Variants in PCDHGB1 observed in about 807,000 individuals in gnomAD.
PCDHGB1 encodes protocadherin gamma-B1.
A neutral mutation model predicts 56.6 loss-of-function variants in PCDHGB1; 34 were observed. That is an observed-to-expected ratio of 0.60 (90% CI 0.46 to 0.80). The LOEUF (loss-of-function observed/expected upper bound fraction) is 0.80. PCDHGB1 is among the 30% of genes least tolerant of loss of function. PCDHGB1 has a pLI of 0.00. For missense variants in PCDHGB1, 1,278 were observed against 1,204.6 expected (o/e 1.06, Z -0.90); for synonymous variants, 561 against 505.9 (o/e 1.11, Z -1.46).
intron 1 of PCDHGB1, among the ~76,000 whole-genome samples, chr5:141,386,366 C>A (rs2090545743): frequency 6.6e-6 from 1 of 151,962 alleles, no homozygotes; most frequent in Non-Finnish European, 1.5e-5. Context: ...ATTCCAGAGA[C>A]CTTTGAGTAT....
chr5:141,351,367 C>T lies in PCDHGB1; in HGVS notation c.1107C>T (p.Asp369=), dbSNP rs1253333383. Residue 369 remains aspartate (D), a synonymous_variant, in exon 1 of 4, where the codon GAC becomes GAT. Coordinates refer to ENST00000523390, the MANE Select transcript of PCDHGB1 (RefSeq NM_018922.3). ...GTVIALIKVR[D]KDSGQNGMVT... is the part of the protein sequence containing the mutation. ...TAATAGCCCTCATAAAAGTGCGAGACAAGGATTCTGGGCAAAATGGCATGG... is the reference window on the plus strand; with the variant it reads ...TAATAGCCCTCATAAAAGTGCGAGATAAGGATTCTGGGCAAAATGGCATGG... 6.2e-7 allele frequency: 1 copy of T among 1,612,826 alleles called. No homozygotes were observed. Among genetic ancestry groups the T allele is most frequent in the Non-Finnish European group, 8.5e-7 (1 of 1,179,314 alleles).
intron 1 of PCDHGB1, chr5:141,413,132 A>C (rs1313665743): frequency 1.3e-6 from 2 of 1,542,144 alleles, no homozygotes; most frequent in Admixed American, 4.0e-5. Context: ...GAAACACACA[A>C]CGTGTCCAGT....
intron 1 of PCDHGB1, among the ~76,000 whole-genome samples, chr5:141,439,279 CT>C (rs2098102664): frequency 6.6e-6 from 1 of 151,930 alleles, no homozygotes; most frequent in African/African-American, 2.4e-5. Flanking sequence ...CATTCTGAGA[CT>C]GTGTTCCATG....
At chr5:141,437,589 T>C (rs929281293) in intron 1 of PCDHGB1, among the ~76,000 whole-genome samples, 10 of 152,306 alleles carry the variant, frequency 6.6e-5, no homozygotes, top group African/African-American at 2.2e-4. Flanking sequence ...ATGAATTGGA[T>C]AGTTCTGGTG....
In PCDHGB1 at chr5:141,421,238, G is replaced by C. The variant is rs920128735; in HGVS notation, c.2409+68569G>C. 3.1e-6 allele frequency: 5 copies of C among 1,597,422 alleles called. No individual in the cohort carries two copies. Among genetic ancestry groups the C allele is most frequent in the African/African-American group, 2.7e-5 (2 of 74,378 alleles). ...GGCTTAGAGCCTGCCATGGCGAATC[G>C]GCTACAGCGCGGGGACCGCAGTCGG... On this transcript the variant is annotated intron_variant, in intron 1 of 3. Transcript: ENST00000523390.
chr5:141,365,580 A>G, intron 1 of PCDHGB1: 1 of 1,613,742 alleles, frequency 6.2e-7, no homozygotes, highest in South Asian at 1.1e-5. Flanking sequence ...GAGACTTCAG[A>G]TTATAATATC....
At chr5:141,368,825 CTT>C (rs999838491) in intron 1 of PCDHGB1, among the ~76,000 whole-genome samples, 2 of 152,086 alleles carry the variant, frequency 1.3e-5, no homozygotes, top group African/African-American at 4.8e-5. Context: ...ACAATGAACA[CTT>C]GGCATTGTGT....
chr5:141,413,012 A>G (rs937468289), intron 1 of PCDHGB1: 10 of 657,718 alleles, frequency 1.5e-5, no homozygotes, highest in Middle Eastern at 4.2e-4. Flanking sequence ...GGCTTCAACT[A>G]CACAAGCCCC....
At chr5:141,371,130 A>G (rs1055242827) in intron 1 of PCDHGB1, 3 of 1,614,014 alleles carry the variant, frequency 1.9e-6, no homozygotes, top group East Asian at 2.2e-5. Context: ...TACTCAGGAC[A>G]TGTACAGGGT....
At chr5:141,403,638 A>C in intron 1 of PCDHGB1, 1 of 1,613,906 alleles carries the variant, frequency 6.2e-7, no homozygotes, top group East Asian at 2.2e-5. Context: ...GTGCGCATCC[A>C]TGTGACAGTG....
chr5:141,448,928 G>C (rs2098617520), intron 1 of PCDHGB1, among the ~76,000 whole-genome samples: 1 of 152,166 alleles, frequency 6.6e-6, no homozygotes, highest in Non-Finnish European at 1.5e-5. Context: ...CTGGGCGACA[G>C]AGCAAGACTG....
At chr5:141,395,198 A>G (rs2093194899) in intron 1 of PCDHGB1, 1 of 1,613,990 alleles carries the variant, frequency 6.2e-7, no homozygotes, top group Non-Finnish European at 8.5e-7. Flanking sequence ...TAACATCCGT[A>G]GATTTTCATG....
At chr5:141,403,050 A>G in intron 1 of PCDHGB1, 2 of 1,614,060 alleles carry the variant, frequency 1.2e-6, no homozygotes, top group Non-Finnish European at 1.7e-6. Flanking sequence ...CAGATTCGCT[A>G]CTCAGTGCCT....
intron 1 of PCDHGB1, among the ~76,000 whole-genome samples, chr5:141,474,404 G>A (rs1014003488): frequency 4.6e-5 from 7 of 152,156 alleles, no homozygotes; most frequent in East Asian, 1.9e-4. Context: ...CAAGCTCCCC[G>A]GTGATGCCTA....
At chr5:141,475,448 G>C (rs774710049) in intron 1 of PCDHGB1, among the ~76,000 whole-genome samples, 1 of 152,214 alleles carries the variant, frequency 6.6e-6, no homozygotes, top group African/African-American at 2.4e-5. Context: ...CAGATAATGA[G>C]GAAGTGACAG....
rs370361048 is a variant in PCDHGB1, at chr5:141,361,546, A to G, written c.2409+8877A>G. 2.4e-5 allele frequency: 38 copies of G among 1,613,904 alleles called. No individual in the cohort carries two copies. Among genetic ancestry groups the G allele is most frequent in the South Asian group, 2.3e-4 (21 of 91,088 alleles). On this transcript the variant is annotated intron_variant, in intron 1 of 3. Transcript: ENST00000523390. ...AGAGAACAATCCTCCTGGCGCCTCT[A>G]TCGCTCAAATCAGTGCCTCTGACCC...
intron 3 of PCDHGB1, among the ~76,000 whole-genome samples, chr5:141,509,583 A>G (rs1008344833): frequency 7.2e-5 from 11 of 152,320 alleles, no homozygotes; most frequent in African/African-American, 2.4e-4. Flanking sequence ...CGTACAAATC[A>G]GCTGGCAATT....
At chr5:141,441,398 G>A (rs1257981333) in intron 1 of PCDHGB1, 1 of 154,848 alleles carries the variant, frequency 6.5e-6, no homozygotes, top group Non-Finnish European at 1.4e-5. Context: ...TATAACATCA[G>A]CATCACTGCC....
At chr5:141,397,614 A>ACTAGAACT (rs2150713337) in intron 1 of PCDHGB1, among the ~76,000 whole-genome samples, 1 of 152,358 alleles carries the variant, frequency 6.6e-6, no homozygotes, top group African/African-American at 2.4e-5. Context: ...CAAGGGCAAT[A>ACTAGAACT]CTTAGTTCTA....
Sources: gnomAD v4.1 joint callset for allele counts (sites outside exome capture counted in the v4.1 genomes callset) on GRCh38, gnomAD v4.1.1 for gene constraint, MANE v1.5 for transcripts, NCBI Gene and HGNC (gene_info 2026-07-23, HGNC 2026-07-21) for gene names.